Variants in SNTG2 observed in about 807,000 individuals in gnomAD.
SNTG2 encodes gamma-2-syntrophin.
SNTG2 carries 74 observed loss-of-function variants against 70.9 expected under a neutral mutation model. The observed-to-expected ratio is 1.04, with a 90% CI of 0.86 to 1.27. The LOEUF is 1.27. SNTG2 is among the 50% of genes most tolerant of loss of function. The pLI is 0.00. For synonymous variants in SNTG2, 278 were observed against 273.8 expected (o/e 1.02, Z -0.15); for missense variants, 717 against 690.7 (o/e 1.04, Z -0.43).
chr2:1,217,202 A>G (rs1483037443), intron 9 of SNTG2, among the ~76,000 whole-genome samples: 1 of 152,218 alleles, frequency 6.6e-6, no homozygotes, highest in Non-Finnish European at 1.5e-5. Context: ...TATGATACAA[A>G]TCACATGTAA....
intron 4 of SNTG2, among the ~76,000 whole-genome samples, chr2:1,127,531 A>G (rs938023460): frequency 2.0e-5 from 3 of 152,078 alleles, no homozygotes; most frequent in South Asian, 2.1e-4. Context: ...TTTAATTTTT[A>G]GATCGCTTTG....
intron 1 of SNTG2, among the ~76,000 whole-genome samples, chr2:1,080,050 C>T (rs1664181298): frequency 6.6e-6 from 1 of 152,178 alleles, no homozygotes. Context: ...TTAGTGCCGC[C>T]CCTGAGGTCC....
At chr2:1,198,553 GA>G (rs1470922219) in intron 8 of SNTG2, among the ~76,000 whole-genome samples, 1 of 151,586 alleles carries the variant, frequency 6.6e-6, no homozygotes, top group African/African-American at 2.4e-5. Context: ...TAGCAGAAGG[GA>G]AAAATAATAC....
At chr2:1,040,274 G>A (rs1405412405) in intron 1 of SNTG2, among the ~76,000 whole-genome samples, 1 of 152,208 alleles carries the variant, frequency 6.6e-6, no homozygotes, top group South Asian at 2.1e-4. Flanking sequence ...GGCATGGGGA[G>A]TTTTGAAGCT....
intron 14 of SNTG2, among the ~76,000 whole-genome samples, chr2:1,271,570 T>A (rs555428218): frequency 6.6e-6 from 1 of 152,258 alleles, no homozygotes; most frequent in Admixed American, 6.5e-5. Flanking sequence ...CAATAAACAA[T>A]ACCTATTGTT....
rs1360451350 is a variant in SNTG2, at chr2:951,003, A to G, written c.7A>G (p.Thr3Ala). The change falls in exon 1 of 17, where the codon ACC becomes GCC. Residue 3 changes from threonine to alanine, a missense_variant. Coordinates refer to ENST00000308624, the MANE Select transcript of SNTG2 (RefSeq NM_018968.4). MG[T>A]EGPPPPAASR... ...CCCAGCCGCAGGGGCGGCGATGGGC[A>G]CCGAGGGACCCCCGCCCCCGGCCGC... 4 of 1,255,780 alleles carry G rather than the reference A, an allele frequency of 3.2e-6. No individual in the cohort carries two copies. The South Asian group carries it at 9.8e-5, about 31-fold the overall frequency. 77.8% of individuals were successfully genotyped at this position (1,255,780 alleles called of 1,614,324 possible). A position where few individuals can be genotyped will look rare whatever the true frequency, so the allele number is the denominator to read the frequency against.
intron 16 of SNTG2, among the ~76,000 whole-genome samples, chr2:1,339,918 G>A (rs1029354319): frequency 6.6e-6 from 1 of 152,186 alleles, no homozygotes; most frequent in Non-Finnish European, 1.5e-5. Flanking sequence ...CGGATCTGCA[G>A]ACTAGAAACT....
At chr2:984,243 C>A (rs1032383229) in intron 1 of SNTG2, among the ~76,000 whole-genome samples, 2 of 147,896 alleles carry the variant, frequency 1.4e-5, no homozygotes, top group African/African-American at 5.0e-5. Flanking sequence ...CCCACTTTTA[C>A]CCAAAAGAAA....
In SNTG2 at chr2:1,255,852, A is replaced by AT. The variant is rs1277088556; in HGVS notation, c.1006-3518_1006-3517insT. ...TATATAAATATATATAAATATATAT[A>AT]AATATATATAAATATATATAAATAT... On this transcript the variant is annotated intron_variant, in intron 12 of 16. Transcript: ENST00000308624. Among the ~76,000 whole-genome samples the AT allele has an allele frequency of 9.9e-3, 436 of 43,916 alleles. 17 individuals carry two copies. Among genetic ancestry groups the AT allele is most frequent in the African/African-American group, 0.038 (417 of 10,866 alleles). The allele number at this position is 43,916 out of a possible 152,430, so 28.8% of individuals were successfully genotyped here.
At chr2:962,639 T>A (rs1005049456) in intron 1 of SNTG2, among the ~76,000 whole-genome samples, 1 of 152,208 alleles carries the variant, frequency 6.6e-6, no homozygotes, top group Non-Finnish European at 1.5e-5. Context: ...AATAAGTAGG[T>A]TATGCTGAGT....
At chr2:1,111,451 A>C (rs1666434234) in intron 4 of SNTG2, among the ~76,000 whole-genome samples, 1 of 152,160 alleles carries the variant, frequency 6.6e-6, no homozygotes, top group South Asian at 2.1e-4. Context: ...TGTGCAGCAG[A>C]GAATCCAGTT....
intron 13 of SNTG2, among the ~76,000 whole-genome samples, chr2:1,266,651 G>T (rs192713285): frequency 2.0e-4 from 31 of 152,196 alleles, no homozygotes; most frequent in Admixed American, 1.4e-3. Flanking sequence ...AGACTCGGAG[G>T]CGCAGGGGGC....
At chr2:962,017 G>C (rs184449059) in intron 1 of SNTG2, among the ~76,000 whole-genome samples, 1 of 152,244 alleles carries the variant, frequency 6.6e-6, no homozygotes, top group Admixed American at 6.5e-5. Context: ...AGATGGAGTT[G>C]TACCATTCAA....
chr2:1,019,774 C>T (rs766056331), intron 1 of SNTG2, among the ~76,000 whole-genome samples: 44 of 152,160 alleles, frequency 2.9e-4, no homozygotes, highest in African/African-American at 9.4e-4. Context: ...AGAGGCCAGG[C>T]GTGGTGGCTC....
At chr2:982,064 A>C in intron 1 of SNTG2, among the ~76,000 whole-genome samples, 1 of 152,200 alleles carries the variant, frequency 6.6e-6, no homozygotes, top group East Asian at 1.9e-4. Flanking sequence ...GTCCACACCC[A>C]CACACATGCA....
At chr2:1,007,696 A>G (rs879470165) in intron 1 of SNTG2, among the ~76,000 whole-genome samples, 3 of 152,248 alleles carry the variant, frequency 2.0e-5, no homozygotes, top group Non-Finnish European at 4.4e-5. Flanking sequence ...TCAGGTCTAT[A>G]GAAAAAGATG....
At chr2:1,068,823 A>G (rs1011107787) in intron 1 of SNTG2, among the ~76,000 whole-genome samples, 8 of 152,214 alleles carry the variant, frequency 5.3e-5, no homozygotes, top group East Asian at 1.9e-4. Context: ...GTGACGTACT[A>G]TGTTTACAGT....
chr2:1,169,665 C>T (rs5024308), intron 7 of SNTG2, among the ~76,000 whole-genome samples: 48,222 of 151,842 alleles, frequency 0.32, 8,211 homozygotes, highest in East Asian at 0.65. Context: ...CTGCAGGCTC[C>T]GGGGTCCATT....
intron 1 of SNTG2, among the ~76,000 whole-genome samples, chr2:972,427 TTGTCCAAAATTAGAGTAGTAAC>T (rs1237871130): frequency 6.6e-6 from 1 of 152,344 alleles, no homozygotes; most frequent in Non-Finnish European, 1.5e-5. Context: ...AAATTCTGTT[TTGTCCAAAATTAGAGTAGTAAC>T]TCCTGCTTTT....
Sources: gnomAD v4.1 joint callset for allele counts (sites outside exome capture counted in the v4.1 genomes callset) on GRCh38, gnomAD v4.1.1 for gene constraint, MANE v1.5 for transcripts, NCBI Gene and HGNC (gene_info 2026-07-23, HGNC 2026-07-21) for gene names.